The following YIPF4 variants were observed in gnomAD, a reference collection of about 807,000 sequenced individuals.
The protein encoded by YIPF4 is protein YIPF4.
YIPF4 carries 18 observed loss-of-function variants against 29.4 expected under a neutral mutation model. The observed-to-expected ratio is 0.61, with a 90% confidence interval of 0.42 to 0.91. The LOEUF (loss-of-function observed/expected upper bound fraction) is 0.91. Among genes scored for constraint, YIPF4 ranks in the 40% least tolerant of loss-of-function variants. The probability of loss-of-function intolerance (pLI) is 0.00; values close to 1 mark genes in which losing one functional copy is unlikely to be tolerated. For missense variants in YIPF4, 279 were observed against 282.7 expected (o/e 0.99, Z 0.09); for synonymous variants, 115 against 104.7 (o/e 1.10, Z -0.60).
At position 32,278,376 on chromosome 2, in the gene YIPF4, G is replaced by T. The variant is rs913677461; in HGVS notation, c.79+142G>T. 10 of 795,624 alleles carry T rather than the reference G, an allele frequency of 1.3e-5. No homozygotes were observed. In the South Asian group the frequency reaches 1.9e-4, roughly 15 times the overall value. The allele number at this position is 795,624 out of a possible 1,614,324, so 49.3% of individuals were successfully genotyped here. Reference sequence around the variant, plus strand: ...GTGACTGCAGCCCACCACGCCTGCCGGGCCTTCCGAGAGGCCCCGAAGGAC... The same window carrying T: ...GTGACTGCAGCCCACCACGCCTGCCTGGCCTTCCGAGAGGCCCCGAAGGAC... On this transcript the variant is annotated intron_variant, in intron 1 of 5. Transcript: ENST00000238831.
At chr2:32,280,707 C>T (rs1289666732) in intron 1 of YIPF4, among the ~76,000 whole-genome samples, 3 of 152,006 alleles carry the variant, frequency 2.0e-5, no homozygotes, top group Middle Eastern at 3.2e-3. Flanking sequence ...TTGTAGATCT[C>T]ACTAGGTTGC....
rs949946339 is a variant in YIPF4 at position 32,315,576 on chromosome 2, C to A, written c.*9950C>A. Reference sequence around the variant, plus strand: ...CATCCTGGTTAACGTGGTGAAACCCCGTCTCTACTAAACATATAAAAAATT... The same window carrying A: ...CATCCTGGTTAACGTGGTGAAACCCAGTCTCTACTAAACATATAAAAAATT... On this transcript the variant is annotated 3_prime_UTR_variant, in exon 6 of 6. Coordinates refer to ENST00000238831, the MANE Select transcript of YIPF4 (RefSeq NM_032312.4). 2.0e-5 allele frequency: 3 copies of A among 151,930 alleles called. No individual in the cohort carries two copies. The highest frequency in any genetic ancestry group is 7.3e-5 in the African/African-American group (3 of 41,326). 9.4% of individuals were successfully genotyped at this position (151,930 alleles called of 1,614,324 possible). A position where few individuals can be genotyped will look rare whatever the true frequency, so the allele number is the denominator to read the frequency against.
At chr2:32,300,429 G>A (rs2031362095) in intron 4 of YIPF4, among the ~76,000 whole-genome samples, 1 of 136,780 alleles carries the variant, frequency 7.3e-6, no homozygotes. Flanking sequence ...GGAGGACTCC[G>A]TCTTTAAAAA....
intron 2 of YIPF4, among the ~76,000 whole-genome samples, chr2:32,291,710 A>G (rs538421583): frequency 3.9e-5 from 6 of 152,342 alleles, no homozygotes; most frequent in African/African-American, 9.6e-5. Flanking sequence ...GAAATAACCC[A>G]CAACACAAAG....
chr2:32,294,814 C>T (rs925237363), intron 3 of YIPF4, among the ~76,000 whole-genome samples: 18 of 152,340 alleles, frequency 1.2e-4, no homozygotes, highest in African/African-American at 2.9e-4. Context: ...TCTGCAATCC[C>T]GGCACCTCCG....
At chr2:32,294,472 G>T (rs560166828) in intron 3 of YIPF4, among the ~76,000 whole-genome samples, 5 of 151,746 alleles carry the variant, frequency 3.3e-5, no homozygotes, top group Non-Finnish European at 5.9e-5. Context: ...GACGATGGGC[G>T]GCCGGGCAGA....
intron 1 of YIPF4, among the ~76,000 whole-genome samples, chr2:32,279,860 G>A (rs2030311958): frequency 6.7e-6 from 1 of 150,072 alleles, no homozygotes; most frequent in Admixed American, 6.6e-5. Context: ...TCTATCAAAG[G>A]GAACATAGCT....
chr2:32,298,087 T>G, intron 3 of YIPF4, 147 bp from the exon 4 acceptor site: 1 of 572,970 alleles, frequency 1.7e-6, no homozygotes, highest in Non-Finnish European at 3.1e-6. Flanking sequence ...TATTAAGTTT[T>G]GGAGTAATAC....
chr2:32,288,702 C>G (rs1371568413), intron 1 of YIPF4, among the ~76,000 whole-genome samples: 11 of 152,132 alleles, frequency 7.2e-5, no homozygotes, highest in Admixed American at 7.2e-4. Context: ...CTCAGCTACT[C>G]AGGAGGCCGA....
chr2:32,305,518 T>A lies in YIPF4; in HGVS notation c.627T>A (p.Ser209Arg). 2 of 1,610,172 alleles carry A rather than the reference T, an allele frequency of 1.2e-6. No individual in the cohort carries two copies. Among genetic ancestry groups the A allele is most frequent in the Non-Finnish European group, 1.7e-6 (2 of 1,178,208 alleles). Residue 209 changes from serine to arginine, a missense_variant, in exon 6 of 6, where the codon AGT (serine) becomes AGA (arginine). Coordinates refer to ENST00000238831, the MANE Select transcript of YIPF4 (RefSeq NM_032312.4). The part of the protein sequence containing the change: ...KLFGVFWAAY[S>R]AASLLVGEEF... ...TTGGTGTGTTTTGGGCTGCCTACAG[T>A]GCTGCTTCATTGTTAGTGGGTGAAG...
intron 5 of YIPF4, among the ~76,000 whole-genome samples, chr2:32,303,569 C>T (rs2031478259): frequency 6.6e-6 from 1 of 152,148 alleles, no homozygotes. Flanking sequence ...CCTGTTAGTC[C>T]TAGCTACTCA....
Position 32,311,716 on chromosome 2 carries a change from C to A in YIPF4, c.*6090C>A, listed in dbSNP as rs1470843833. 1 of 152,094 alleles carries A rather than the reference C, an allele frequency of 6.6e-6. No individual in the cohort carries two copies. Among genetic ancestry groups the A allele is most frequent in the African/African-American group, 2.4e-5 (1 of 41,414 alleles). The allele number at this position is 152,094 out of a possible 1,614,324, so 9.4% of individuals were successfully genotyped here. A position where few individuals can be genotyped will look rare whatever the true frequency, so the allele number is the denominator to read the frequency against. On this transcript the variant is annotated 3_prime_UTR_variant, in exon 6 of 6. Transcript: ENST00000238831. ...TAACACTAGACTATCAGTAAATTAT[C>A]AAGAATAAAAACCTTGGTTTTTCTG... is the stretch of plus-strand genomic sequence containing the variant.
At chr2:32,282,654 G>A (rs1270213494) in intron 1 of YIPF4, among the ~76,000 whole-genome samples, 1 of 151,952 alleles carries the variant, frequency 6.6e-6, no homozygotes, top group Non-Finnish European at 1.5e-5. Flanking sequence ...AGCTGTTCTC[G>A]AACTCCTGAC....
intron 1 of YIPF4, among the ~76,000 whole-genome samples, chr2:32,285,927 T>C (rs2030650306): frequency 6.6e-6 from 1 of 152,196 alleles, no homozygotes; most frequent in South Asian, 2.1e-4. Context: ...GGTCTAGTCT[T>C]ATCACAAATG....
At position 32,304,761 on chromosome 2, in the gene YIPF4, G is replaced by GT. The variant is rs562156923; in HGVS notation, c.598-723dup. 3.5e-4 allele frequency among the ~76,000 whole-genome samples: 54 copies of GT among 152,258 alleles called. No homozygotes were observed. The South Asian group carries it at 0.011, about 30-fold the overall frequency. ...TAGAGTTTCCCTGAATTTCCTTGAAGTTTTTCCTTAATTTTATGCTATAAA... is the reference window on the plus strand; with the variant it reads ...TAGAGTTTCCCTGAATTTCCTTGAAGTTTTTTCCTTAATTTTATGCTATAAA... On this transcript the variant is annotated intron_variant, in intron 5 of 5. Coordinates refer to ENST00000238831, the MANE Select transcript of YIPF4 (RefSeq NM_032312.4).
At position 32,314,833 on chromosome 2, in the gene YIPF4, G is replaced by C. The variant is rs913555401; in HGVS notation, c.*9207G>C. The C allele has an allele frequency of 1.3e-5, 2 of 152,050 alleles. No homozygotes were observed. Among genetic ancestry groups the C allele is most frequent in the Admixed American group, 1.3e-4 (2 of 15,250 alleles). The allele number at this position is 152,050 out of a possible 1,614,324, so 9.4% of individuals were successfully genotyped here. A position where few individuals can be genotyped will look rare whatever the true frequency, so the allele number is the denominator to read the frequency against. On this transcript the variant is annotated 3_prime_UTR_variant, in exon 6 of 6. Transcript: ENST00000238831. ...GTCATTTAGGTCAATGAAACAGGAG[G>C]GTTTCCAGAATTATACCCAATTAAT...
At chr2:32,305,208 T>A (rs1183913214) in intron 5 of YIPF4, among the ~76,000 whole-genome samples, 1 of 152,176 alleles carries the variant, frequency 6.6e-6, no homozygotes, top group Non-Finnish European at 1.5e-5. Context: ...TAAGTTATAA[T>A]TTAACAGAAC....
At chr2:32,304,464 C>T (rs2031510528) in intron 5 of YIPF4, among the ~76,000 whole-genome samples, 1 of 151,602 alleles carries the variant, frequency 6.6e-6, no homozygotes. Flanking sequence ...ATGGACCAGA[C>T]CAAATACATT....
Position 32,310,950 on chromosome 2 carries a change from C to T in YIPF4, c.*5324C>T, listed in dbSNP as rs1292064047. The T allele has an allele frequency of 6.6e-6, 1 of 152,166 alleles. No homozygotes were observed. Among genetic ancestry groups the T allele is most frequent in the East Asian group, 1.9e-4 (1 of 5,196 alleles). The allele number at this position is 152,166 out of a possible 1,614,324, so 9.4% of individuals were successfully genotyped here. On this transcript the variant is annotated 3_prime_UTR_variant, in exon 6 of 6. Transcript: ENST00000238831. The stretch of plus-strand genomic sequence containing the variant: ...CAAATTTGTGGTGTTCAAGGTTCAA[C>T]TGTAATTTCCTAGCAGCATTTTGTG...
Sources: allele counts gnomAD v4.1 joint callset (sites outside exome capture counted in the v4.1 genomes callset), GRCh38; gene constraint gnomAD v4.1.1; transcripts MANE v1.5; gene names NCBI Gene and HGNC (gene_info 2026-07-23, HGNC 2026-07-21).